Variants in USP5 observed in about 807,000 individuals in gnomAD.
The protein encoded by USP5 is ubiquitin carboxyl-terminal hydrolase 5.
In USP5, 24 loss-of-function variants were observed where a neutral mutation model predicts 102.5. The ratio of observed to expected loss-of-function variants is 0.23; its 90% CI spans 0.17 to 0.33. The LOEUF (loss-of-function observed/expected upper bound fraction) is 0.33. USP5 is among the 10% of genes least tolerant of loss of function. The pLI is 1.00. For missense variants in USP5, 753 were observed against 1,122.1 expected, an observed-to-expected ratio of 0.67 and a Z score of 4.70; for synonymous variants, 460 against 434.8, an observed-to-expected ratio of 1.06 and a Z score of -0.72.
chr12:6,856,550 C>T lies in USP5; in HGVS notation c.584+100C>T. Reference sequence around the variant, plus strand: ...GTGGGAGAGAGGGTAGGGAGCAGGACAGGAAGGGAAGCTTGGAAATGAACA... The same window carrying T: ...GTGGGAGAGAGGGTAGGGAGCAGGATAGGAAGGGAAGCTTGGAAATGAACA... On this transcript the variant is annotated intron_variant, in intron 5 of 19. Transcript: ENST00000229268. The surrounding 1 kb of genome is among the most constrained non-coding windows in gnomAD (Gnocchi z 5.6). 1 of 1,546,794 alleles carries T rather than the reference C, an allele frequency of 6.5e-7. No homozygotes were observed.
rs1944257472 is a variant in USP5 at position 6,860,843 on chromosome 12, T to C, written c.1345-110T>C. On this transcript the variant is annotated intron_variant, in intron 11 of 19. Coordinates refer to ENST00000229268, the MANE Select transcript of USP5 (RefSeq NM_001098536.2). This position sits in a 1 kb window ranked among gnomAD's most constrained non-coding sequence, Gnocchi z 5.5. ...GGTTTCTGCTCTGCTCTTGTGTCCC[T>C]GAGTTCCGAGTGGTAGTCTGCCTTC... 4 of 1,477,934 alleles carry C rather than the reference T, an allele frequency of 2.7e-6. No individual in the cohort carries two copies. The highest frequency in any genetic ancestry group is 1.8e-6 in the Non-Finnish European group (2 of 1,084,086). The allele number at this position is 1,477,934 out of a possible 1,614,324, so 91.6% of individuals were successfully genotyped here. A position where few individuals can be genotyped will look rare whatever the true frequency, so the allele number is the denominator to read the frequency against.
chr12:6,860,569 C>T lies in USP5; in HGVS notation c.1344+78C>T, dbSNP rs1555129317. On this transcript the variant is annotated intron_variant, in intron 11 of 19. Coordinates refer to ENST00000229268, the MANE Select transcript of USP5 (RefSeq NM_001098536.2). The surrounding 1 kb of genome is among the most constrained non-coding windows in gnomAD (Gnocchi z 5.5). Reference sequence around the variant, plus strand: ...CCTTCCTGCCCATTTCTCCCTCTATCAGCCCCAACCCAGTCCCATCCCTGA... The same window carrying T: ...CCTTCCTGCCCATTTCTCCCTCTATTAGCCCCAACCCAGTCCCATCCCTGA... 6.3e-7 allele frequency: 1 copy of T among 1,592,064 alleles called. No individual in the cohort carries two copies. Among genetic ancestry groups the T allele is most frequent in the Non-Finnish European group, 8.5e-7 (1 of 1,173,638 alleles).
chr12:6,852,261 G>A lies in USP5; in HGVS notation c.82G>A (p.Asp28Asn). The A allele has an allele frequency of 6.2e-7, 1 of 1,612,526 alleles. No individual in the cohort carries two copies. The highest frequency in any genetic ancestry group is 2.2e-5 in the East Asian group (1 of 44,826). Reference sequence around the variant, plus strand: ...TAAGGCTGGAGACCGGGTCCACAAAGACGAGTGCGCCTTCTCCTTCGACAC... The same window carrying A: ...TAAGGCTGGAGACCGGGTCCACAAAAACGAGTGCGCCTTCTCCTTCGACAC... ...VPKAGDRVHK[D>N]ECAFSFDTPE... Residue 28 changes from aspartate (D) to asparagine (N), a missense_variant, in exon 1 of 20, where the codon GAC (aspartate) becomes AAC (asparagine). Transcript: ENST00000229268.
chr12:6,863,387 T>G lies in USP5; in HGVS notation c.1954+10T>G, dbSNP rs1555129992. On this transcript the variant is annotated intron_variant, in intron 15 of 19. Coordinates refer to ENST00000229268, the MANE Select transcript of USP5 (RefSeq NM_001098536.2). The surrounding 1 kb of genome is among the most constrained non-coding windows in gnomAD (Gnocchi z 4.7). ...TTCTCCTCTCCGACATGTTAGTGAC[T>G]CTTCTTCCTGCCTGTCTCTCTCCCG... 2 of 1,611,124 alleles carry G rather than the reference T, an allele frequency of 1.2e-6. No homozygotes were observed. Among genetic ancestry groups the G allele is most frequent in the African/African-American group, 1.3e-5 (1 of 74,904 alleles).
chr12:6,865,234 C>T lies in USP5; in HGVS notation c.2469C>T (p.Ile823=), dbSNP rs1555130570. 2 of 1,613,732 alleles carry T rather than the reference C, an allele frequency of 1.2e-6. No individual in the cohort carries two copies. The highest frequency in any genetic ancestry group is 1.7e-6 in the Non-Finnish European group (2 of 1,179,648). The part of the protein sequence containing the change: ...STMCGHYVCH[I]KKEGRWVIYN... ...TGTGTGGTCACTACGTCTGCCACATCAAGAAAGAAGGCAGGTGAGTGCTGG... is the reference window on the plus strand; with the variant it reads ...TGTGTGGTCACTACGTCTGCCACATTAAGAAAGAAGGCAGGTGAGTGCTGG... Residue 823 remains isoleucine (I), a synonymous_variant, in exon 19 of 20, where the codon ATC becomes ATT. Transcript: ENST00000229268.
chr12:6,856,326 C>G lies in USP5; in HGVS notation c.460C>G (p.Leu154Val). ...RDRVTSAVEA[L>V]LSADSASRKQ... ...CCAGGTGACCAGTGCAGTGGAGGCC[C>G]TACTGTCGGCCGACTCAGCCTCCCG... is the stretch of plus-strand genomic sequence containing the variant. Residue 154 changes from leucine (L) to valine (V), a missense_variant, in exon 5 of 20, where the codon CTA (leucine) becomes GTA (valine). Transcript: ENST00000229268. This position sits in a 1 kb window ranked among gnomAD's most constrained non-coding sequence, Gnocchi z 5.6. 6.2e-7 allele frequency: 1 copy of G among 1,613,530 alleles called. No homozygotes were observed. Among genetic ancestry groups the G allele is most frequent in the South Asian group, 1.1e-5 (1 of 91,032 alleles).
At chr12:6,862,875 C>T (rs1944319069) in intron 14 of USP5, among the ~76,000 whole-genome samples, 2 of 152,248 alleles carry the variant, frequency 1.3e-5, no homozygotes, top group South Asian at 2.1e-4. Context: ...TTTGAGAACT[C>T]GTGATGTACC....
chr12:6,865,269 T>G (rs1301730352), intron 19 of USP5, 21 bp downstream of exon 19: 1 of 1,603,386 alleles, frequency 6.2e-7, no homozygotes, highest in Non-Finnish European at 8.5e-7. Context: ...GCCACATGCG[T>G]TTTGAATGGA....
rs782779049 is a variant in USP5, at chr12:6,861,518, C to G, written c.1574C>G (p.Ala525Gly). 3 of 1,602,040 alleles carry G rather than the reference C, an allele frequency of 1.9e-6. No homozygotes were observed. Among genetic ancestry groups the G allele is most frequent in the Non-Finnish European group, 2.6e-6 (3 of 1,170,230 alleles). ...ATGGCACTGCCAGAACTGGTTCGGG[C>G]CCAGGTGCCCTTCAGCTCTTGCCTG... ...EKMALPELVR[A>G]QVPFSSCLEA... Residue 525 changes from alanine (A) to glycine (G), a missense_variant, in exon 13 of 20, where the codon GCC becomes GGC. Around this residue, in one of 3 missense-constraint regions of USP5, gnomAD observed 527 missense variants for 816.5 expected, o/e 0.65. Transcript: ENST00000229268. The surrounding 1 kb of genome is among the most constrained non-coding windows in gnomAD (Gnocchi z 4.9).
At chr12:6,865,046 C>A in intron 18 of USP5, 118 bp from the exon 19 acceptor site, 1 of 1,285,912 alleles carries the variant, frequency 7.8e-7, no homozygotes, top group Non-Finnish European at 1.1e-6. Context: ...TGGCCCAGTA[C>A]CTGCCTCACA....
chr12:6,856,590 C>A lies in USP5; in HGVS notation c.585-117C>A. 1 of 1,529,660 alleles carries A rather than the reference C, an allele frequency of 6.5e-7. No individual in the cohort carries two copies. Among genetic ancestry groups the A allele is most frequent in the African/African-American group, 1.5e-5 (1 of 65,322 alleles). 94.8% of individuals were successfully genotyped at this position (1,529,660 alleles called of 1,614,324 possible). A position where few individuals can be genotyped will look rare whatever the true frequency, so the allele number is the denominator to read the frequency against. On this transcript the variant is annotated intron_variant, in intron 5 of 19. Transcript: ENST00000229268. This position sits in a 1 kb window ranked among gnomAD's most constrained non-coding sequence, Gnocchi z 5.6. ...GGAAATGAACACGACATGGGGATGG[C>A]CAGAGGAGAAGAGAGAGAGACCTTG... is the stretch of plus-strand genomic sequence containing the variant.
chr12:6,852,690 C>T (rs1301928801), intron 1 of USP5, among the ~76,000 whole-genome samples: 3 of 152,212 alleles, frequency 2.0e-5, no homozygotes, highest in African/African-American at 7.2e-5. Context: ...ATGGGGACGA[C>T]TCCCCACTGT....
rs1422858102 is a variant in USP5, at chr12:6,855,984, C to T, written c.305-33C>T. 2 of 1,613,512 alleles carry T rather than the reference C, an allele frequency of 1.2e-6. No homozygotes were observed. The highest frequency in any genetic ancestry group is 1.7e-6 in the Non-Finnish European group (2 of 1,179,536). On this transcript the variant is annotated intron_variant, in intron 3 of 19. Transcript: ENST00000229268. This position sits in a 1 kb window ranked among gnomAD's most constrained non-coding sequence, Gnocchi z 4.6. ...GAGGGACATTGACCTGTTGTCATTG[C>T]TCTACTCTCCCTCTTCTTCCCTATC...
chr12:6,859,318 G>A, intron 8 of USP5, 152 bp from the exon 9 acceptor site: 1 of 715,538 alleles, frequency 1.4e-6, no homozygotes, highest in Non-Finnish European at 2.4e-6. Flanking sequence ...GAACAGGCAG[G>A]TTGCTGGAGA....
At chr12:6,853,845 G>A (rs1555127614) in intron 1 of USP5, among the ~76,000 whole-genome samples, 1 of 152,192 alleles carries the variant, frequency 6.6e-6, no homozygotes, top group Non-Finnish European at 1.5e-5. Flanking sequence ...TCATGAACTT[G>A]CAGTACACAC....
chr12:6,852,194 T>A lies in USP5; in HGVS notation c.15T>A (p.Ser5Arg). ...CTGCCGGTGTCATGGCGGAGCTGAG[T>A]GAGGAGGCGCTGCTGTCAGTATTAC... MAELSEEALLSVLPT... is the reference protein window; with the variant it reads MAELREEALLSVLPT... Residue 5 changes from serine to arginine, a missense_variant, in exon 1 of 20, where the codon AGT (serine) becomes AGA (arginine). Transcript: ENST00000229268. 2 of 1,611,870 alleles carry A rather than the reference T, an allele frequency of 1.2e-6. No individual in the cohort carries two copies. The highest frequency in any genetic ancestry group is 1.7e-6 in the Non-Finnish European group (2 of 1,179,260).
chr12:6,857,833 TC>T (rs1160649968), intron 7 of USP5, 110 bp downstream of exon 7: 2 of 989,470 alleles, frequency 2.0e-6, no homozygotes, highest in African/African-American at 3.2e-5. Context: ...GTTAACCCCA[TC>T]CCCAAGATAC....
chr12:6,863,311 A>T lies in USP5; in HGVS notation c.1888A>T (p.Ser630Cys). The change falls in exon 15 of 20, where the codon AGC (serine) becomes TGC (cysteine). Residue 630 changes from serine (S) to cysteine (C), a missense_variant. Around this residue, in one of 3 missense-constraint regions of USP5, gnomAD observed 527 missense variants for 816.5 expected, o/e 0.65. Transcript: ENST00000229268. This position sits in a 1 kb window ranked among gnomAD's most constrained non-coding sequence, Gnocchi z 4.7. ...PLVTPDEPKG[S>C]LGFYGNEDED... ...GGTCACTCCGGATGAGCCCAAAGGT[A>T]GCCTTGGTTTCTATGGCAACGAAGA... 1 of 1,614,174 alleles carries T rather than the reference A, an allele frequency of 6.2e-7. No homozygotes were observed. The highest frequency in any genetic ancestry group is 8.5e-7 in the Non-Finnish European group (1 of 1,180,032).
Position 6,864,062 on chromosome 12 carries a change from C to T in USP5, c.2111C>T (p.Pro704Leu). Residue 704 changes from proline (P) to leucine (L), a missense_variant, in exon 17 of 20, where the codon CCC (proline) becomes CTC (leucine). Physicochemically the swap from Pro to Leu is moderately conservative, Grantham distance 98. Around this residue, in one of 3 missense-constraint regions of USP5, gnomAD observed 193 missense variants for 230.2 expected, o/e 0.84. Transcript: ENST00000229268. This position sits in a 1 kb window ranked among gnomAD's most constrained non-coding sequence, Gnocchi z 4.8. ...TTCACATCCACAGATTTTGCAAACC[C>T]CCTCATCCTGCCTGGCTCTAGTGGG... ...SHMDDPDFAN[P>L]LILPGSSGPG... 3.7e-6 allele frequency: 6 copies of T among 1,609,594 alleles called. No individual in the cohort carries two copies. Among genetic ancestry groups the T allele is most frequent in the Non-Finnish European group, 5.1e-6 (6 of 1,177,424 alleles).
Sources: allele counts gnomAD v4.1 joint callset (sites outside exome capture counted in the v4.1 genomes callset), GRCh38; gene constraint gnomAD v4.1.1; regional missense constraint gnomAD v4.1.1; non-coding constraint Gnocchi (gnomAD v3.1); transcripts MANE v1.5; gene names NCBI Gene and HGNC (gene_info 2026-07-23, HGNC 2026-07-21).